CNTLN: variants seen among roughly 807,000 people sequenced by gnomAD.
CNTLN encodes the protein centlein, centrosomal protein.
Under a neutral mutation model 180.0 loss-of-function variants are expected in CNTLN, and 212 were observed. The observed-to-expected ratio is 1.18, with a 90% CI of 1.05 to 1.32. The LOEUF is 1.32. Among genes scored for constraint, CNTLN ranks in the 40% most tolerant of loss-of-function variants. The pLI is 0.00. For missense variants in CNTLN, 2,095 were observed against 1,610.9 expected, an observed-to-expected ratio of 1.30 and a Z score of -5.14; for synonymous variants, 722 against 563.1, an observed-to-expected ratio of 1.28 and a Z score of -3.99.
chr9:17,328,273 A>T (rs1165095067), intron 8 of CNTLN, among the ~76,000 whole-genome samples: 2 of 152,210 alleles, frequency 1.3e-5, no homozygotes, highest in African/African-American at 2.4e-5. Context: ...TAGAAAATTG[A>T]TAGCAGATTA....
intron 12 of CNTLN, among the ~76,000 whole-genome samples, chr9:17,352,121 A>G (rs1822415404): frequency 6.6e-6 from 1 of 152,110 alleles, no homozygotes; most frequent in African/African-American, 2.4e-5. Flanking sequence ...CCCATGTATT[A>G]TAAGTAGATA....
At chr9:17,258,618 T>C (rs1200370944) in intron 5 of CNTLN, among the ~76,000 whole-genome samples, 1 of 150,334 alleles carries the variant, frequency 6.7e-6, no homozygotes, top group Non-Finnish European at 1.5e-5. Context: ...GAACATGGAA[T>C]GTTCTTCCAT....
chr9:17,200,377 T>G (rs1468790120), intron 2 of CNTLN, among the ~76,000 whole-genome samples: 2 of 152,170 alleles, frequency 1.3e-5, no homozygotes, highest in African/African-American at 2.4e-5. Flanking sequence ...GCTAAGAAAG[T>G]CAGTGGTAGT....
At chr9:17,362,419 G>T (rs1240114787) in intron 12 of CNTLN, among the ~76,000 whole-genome samples, 1 of 152,094 alleles carries the variant, frequency 6.6e-6, no homozygotes, top group Admixed American at 6.5e-5. Context: ...TATATCATGG[G>T]ATCCCAGTTT....
rs143843704 is a variant in CNTLN, at chr9:17,153,373, T to G, written c.449+9997T>G. ...TGGTGGTGACAAAAATCCCTCAGCA[T>G]TTGCTTGTCTGTAAAGGACTTTATT... On this transcript the variant is annotated intron_variant, in intron 2 of 25. Transcript: ENST00000380647. 5.2e-3 allele frequency among the ~76,000 whole-genome samples: 799 copies of G among 152,330 alleles called. 5 individuals are homozygous for G. The highest frequency in any genetic ancestry group is 0.018 in the African/African-American group (768 of 41,572).
intron 18 of CNTLN, among the ~76,000 whole-genome samples, chr9:17,437,514 C>T (rs1829848842): frequency 6.6e-6 from 1 of 152,116 alleles, no homozygotes; most frequent in South Asian, 2.1e-4. Flanking sequence ...AGGTGTGTCT[C>T]ATCAATATCA....
chr9:17,189,175 C>T (rs570139300), intron 2 of CNTLN, among the ~76,000 whole-genome samples: 27 of 147,970 alleles, frequency 1.8e-4, no homozygotes, highest in South Asian at 6.5e-4. Flanking sequence ...CTCCGCCTCC[C>T]GGGTTCACGC....
rs1288022532 is a variant in CNTLN, at chr9:17,190,245, G to A, written c.450-35958G>A. On this transcript the variant is annotated intron_variant, in intron 2 of 25. Coordinates refer to ENST00000380647, the MANE Select transcript of CNTLN (RefSeq NM_017738.4). Reference sequence around the variant, plus strand: ...CTTTGTTTCCTGTTGTACAGTGTCTGATAATATTTTGTATATTTTGTACAG... The same window carrying A: ...CTTTGTTTCCTGTTGTACAGTGTCTAATAATATTTTGTATATTTTGTACAG... Among the ~76,000 whole-genome samples the A allele has an allele frequency of 9.9e-5, 15 of 150,838 alleles. No individual in the cohort carries two copies. In the East Asian group the frequency reaches 2.9e-3, roughly 29 times the overall value.
chr9:17,147,280 A>G (rs1818520611), intron 2 of CNTLN, among the ~76,000 whole-genome samples: 1 of 152,126 alleles, frequency 6.6e-6, no homozygotes, highest in African/African-American at 2.4e-5. Flanking sequence ...CTGAGTAGGG[A>G]TCTTTTCTGG....
rs1817634841 is a variant in CNTLN at position 17,135,368 on chromosome 9, G to T, written c.303G>T (p.Arg101=). 6.2e-7 allele frequency: 1 copy of T among 1,600,208 alleles called. No individual in the cohort carries two copies. Among genetic ancestry groups the T allele is most frequent in the Non-Finnish European group, 8.5e-7 (1 of 1,174,324 alleles). Residue 101 remains arginine, a synonymous_variant, in exon 1 of 26, where the codon CGG becomes CGT. Transcript: ENST00000380647. ...CGGTAGAGGAGGCGATGGTGACCCGGACGCAGCTGCTGGAGGAAGAGCTGA... is the reference window on the plus strand; with the variant it reads ...CGGTAGAGGAGGCGATGGTGACCCGTACGCAGCTGCTGGAGGAAGAGCTGA... The part of the protein sequence containing the change: ...GISVEEAMVT[R]TQLLEEELSS...
At chr9:17,254,396 T>C (rs1437795464) in intron 5 of CNTLN, among the ~76,000 whole-genome samples, 1 of 151,630 alleles carries the variant, frequency 6.6e-6, no homozygotes, top group East Asian at 1.9e-4. Flanking sequence ...TCATGATGTG[T>C]TTCTGCTATG....
chr9:17,221,900 C>T (rs1437695257), intron 2 of CNTLN, among the ~76,000 whole-genome samples: 1 of 152,046 alleles, frequency 6.6e-6, no homozygotes, highest in Non-Finnish European at 1.5e-5. Context: ...TATCTACCAA[C>T]ATATCTGAAT....
intron 25 of CNTLN, among the ~76,000 whole-genome samples, chr9:17,492,524 C>G (rs1833220630): frequency 6.6e-6 from 1 of 152,084 alleles, no homozygotes; most frequent in Non-Finnish European, 1.5e-5. Context: ...AAGTGCTAGT[C>G]AGCATGGGAA....
chr9:17,322,116 T>A (rs1033053321), intron 8 of CNTLN, among the ~76,000 whole-genome samples: 1 of 152,140 alleles, frequency 6.6e-6, no homozygotes, highest in African/African-American at 2.4e-5. Flanking sequence ...TTCAGTAATT[T>A]ATATTTTTAA....
the CNTLN span, among the ~76,000 whole-genome samples, chr9:17,521,295 G>GAGAGAGAGAGAGAGAGAGAGAGAGAGAGA: frequency 1.3e-5 from 2 of 148,926 alleles, no homozygotes; most frequent in Admixed American, 6.7e-5. Flanking sequence ...GAGAGAGAGA[G>GAGAGAGAGAGAGAGAGAGAGAGAGAGAGA]GAAATGGAAC....
At chr9:17,458,198 A>G (rs548699253) in intron 19 of CNTLN, among the ~76,000 whole-genome samples, 1 of 151,340 alleles carries the variant, frequency 6.6e-6, no homozygotes, top group African/African-American at 2.4e-5. Context: ...GGAAGTATGT[A>G]GAGAAAAAGC....
intron 13 of CNTLN, among the ~76,000 whole-genome samples, chr9:17,376,235 C>A (rs543022953): frequency 6.6e-6 from 1 of 152,158 alleles, no homozygotes; most frequent in South Asian, 2.1e-4. Context: ...TCATTTACTT[C>A]TTAATAACTA....
At chr9:17,288,096 T>A in intron 6 of CNTLN, among the ~76,000 whole-genome samples, 1 of 132,816 alleles carries the variant, frequency 7.5e-6, no homozygotes, top group African/African-American at 3.3e-5. Flanking sequence ...TTAATTGTGA[T>A]GTTAGGGTGT....
chr9:17,432,903 C>G (rs1829501718), intron 18 of CNTLN, among the ~76,000 whole-genome samples: 1 of 151,648 alleles, frequency 6.6e-6, no homozygotes, highest in Non-Finnish European at 1.5e-5. Flanking sequence ...TGCCTGTAAT[C>G]CTAGCTACTC....
Sources: allele counts gnomAD v4.1 joint callset (sites outside exome capture counted in the v4.1 genomes callset), GRCh38; gene constraint gnomAD v4.1.1; transcripts MANE v1.5; gene names NCBI Gene and HGNC (gene_info 2026-07-23, HGNC 2026-07-21).